The following DOCK10 variants were observed in gnomAD, a reference collection of about 807,000 sequenced individuals.
DOCK10 encodes dedicator of cytokinesis 10.
In DOCK10, 145 loss-of-function variants were observed where a neutral mutation model predicts 280.1. The ratio of observed to expected loss-of-function variants is 0.52; its 90% CI spans 0.45 to 0.59. The LOEUF is 0.59. Among genes scored for constraint, DOCK10 ranks in the 20% least tolerant of loss-of-function variants. The pLI is 0.00. For synonymous variants in DOCK10, 915 were observed against 942.2 expected, an observed-to-expected ratio of 0.97 and a Z score of 0.53; for missense variants, 2,368 against 2,651.7, an observed-to-expected ratio of 0.89 and a Z score of 2.35.
intron 3 of DOCK10, among the ~76,000 whole-genome samples, chr2:224,908,566 T>A (rs780994702): frequency 6.6e-6 from 1 of 152,184 alleles, no homozygotes; most frequent in Non-Finnish European, 1.5e-5. Context: ...TACGCATGGC[T>A]CAGTCATGCA....
chr2:224,904,198 T>C (rs927400250), intron 3 of DOCK10, among the ~76,000 whole-genome samples: 4 of 152,112 alleles, frequency 2.6e-5, no homozygotes, highest in Admixed American at 1.3e-4. Context: ...AGTCATTAAA[T>C]AAACATGGCT....
chr2:224,778,303 C>A lies in DOCK10; in HGVS notation c.5656-19G>T. 6.3e-7 allele frequency: 1 copy of A among 1,587,282 alleles called. No individual in the cohort carries two copies. Among genetic ancestry groups the A allele is most frequent in the Admixed American group, 1.8e-5 (1 of 55,892 alleles). The stretch of plus-strand genomic sequence containing the variant: ...AAAAGCCCTATGGAACATAATGAAC[C>A]ACCAATTTTATTAGACAATGCTAAT... On this transcript the variant is annotated intron_variant, in intron 50 of 55. Transcript: ENST00000258390.
At chr2:224,906,770 C>CA (rs1324088364) in intron 3 of DOCK10, among the ~76,000 whole-genome samples, 4 of 152,220 alleles carry the variant, frequency 2.6e-5, no homozygotes, top group African/African-American at 9.7e-5. Flanking sequence ...TCAGTCACCG[C>CA]ACCCGGCCTT....
intron 1 of DOCK10, among the ~76,000 whole-genome samples, chr2:225,014,081 A>ATATATATATATATTT (rs776104946): frequency 1.0e-5 from 1 of 96,800 alleles, no homozygotes; most frequent in African/African-American, 4.7e-5. Context: ...GTCTGAATAT[A>ATATATATATATATTT]TTGTTTTTTT....
chr2:224,940,985 G>C, intron 1 of DOCK10, among the ~76,000 whole-genome samples: 1 of 151,988 alleles, frequency 6.6e-6, no homozygotes, highest in East Asian at 1.9e-4. Flanking sequence ...ATTCATATGT[G>C]TTTTCTTGTA....
At chr2:224,988,283 A>C (rs1440061702) in intron 1 of DOCK10, among the ~76,000 whole-genome samples, 2 of 152,038 alleles carry the variant, frequency 1.3e-5, no homozygotes, top group Non-Finnish European at 2.9e-5. Context: ...TTAGATTTTA[A>C]ATTGTCTTCC....
chr2:224,920,731 T>C (rs1243963469), intron 2 of DOCK10, among the ~76,000 whole-genome samples: 5 of 152,108 alleles, frequency 3.3e-5, no homozygotes, highest in African/African-American at 1.2e-4. Context: ...GCTATTCCTC[T>C]TTTCCATTTT....
intron 1 of DOCK10, among the ~76,000 whole-genome samples, chr2:224,965,464 C>G (rs954916834): frequency 6.6e-6 from 1 of 152,218 alleles, no homozygotes; most frequent in African/African-American, 2.4e-5. Flanking sequence ...GGCTATGATA[C>G]AATCCTTCTT....
intron 1 of DOCK10, among the ~76,000 whole-genome samples, chr2:224,948,655 A>T (rs1296344563): frequency 2.0e-5 from 3 of 152,170 alleles, no homozygotes; most frequent in Non-Finnish European, 4.4e-5. Flanking sequence ...TTTTTAGATC[A>T]TGAGCTCATT....
rs1553623604 is a variant in DOCK10 at position 224,961,412 on chromosome 2, C to CTCTTTCTTTTTCTTTCTTTCTTTCTT, written c.124-29745_124-29744insAAGAAAGAAAGAAAGAAAAAGAAAGA. On this transcript the variant is annotated intron_variant, in intron 1 of 55. Transcript: ENST00000258390. ...ATAGCAGCATTTTCTTTCTTTCTTT[C>CTCTTTCTTTTTCTTTCTTTCTTTCTT]TCTTTCTTTCTTTCTTTCTTTCTTT... is the stretch of plus-strand genomic sequence containing the variant. Among the ~76,000 whole-genome samples the CTCTTTCTTTTTCTTTCTTTCTTTCTT allele has an allele frequency of 2.6e-3, 307 of 119,462 alleles. 2 individuals are homozygous for CTCTTTCTTTTTCTTTCTTTCTTTCTT. Among genetic ancestry groups the CTCTTTCTTTTTCTTTCTTTCTTTCTT allele is most frequent in the African/African-American group, 9.8e-3 (293 of 29,798 alleles). 78.4% of individuals were successfully genotyped at this position (119,462 alleles called of 152,430 possible).
chr2:225,031,879 A>T (rs1690088271), intron 1 of DOCK10, among the ~76,000 whole-genome samples: 1 of 152,160 alleles, frequency 6.6e-6, no homozygotes, highest in Non-Finnish European at 1.5e-5. Context: ...TGACTTGCCC[A>T]GCCTTTGCCA....
At chr2:224,783,321 C>T (rs1691488525) in intron 50 of DOCK10, among the ~76,000 whole-genome samples, 1 of 150,274 alleles carries the variant, frequency 6.7e-6, no homozygotes, top group Admixed American at 6.6e-5. Context: ...GTCTCCCAGG[C>T]TGGAGTGCAG....
chr2:224,956,229 G>T (rs1704023994), intron 1 of DOCK10, among the ~76,000 whole-genome samples: 1 of 152,204 alleles, frequency 6.6e-6, no homozygotes, highest in Admixed American at 6.5e-5. Flanking sequence ...TCCAGTGTTT[G>T]TAAGAATCAC....
chr2:224,989,915 C>T lies in DOCK10; in HGVS notation c.123+52337G>A, dbSNP rs181956431. 1.4e-4 allele frequency among the ~76,000 whole-genome samples: 22 copies of T among 152,110 alleles called. No homozygotes were observed. In the East Asian group the frequency reaches 3.9e-3, roughly 27 times the overall value. ...AACTGTGATTTCTAGAGACCTTTTCCTTCGGTTTCTCTGTCTTCATTTTCA... is the reference window on the plus strand; with the variant it reads ...AACTGTGATTTCTAGAGACCTTTTCTTTCGGTTTCTCTGTCTTCATTTTCA... On this transcript the variant is annotated intron_variant, in intron 1 of 55. Transcript: ENST00000258390.
In DOCK10 at chr2:224,804,951, T is replaced by C. The variant is rs868808071; in HGVS notation, c.4118+107A>G. ...TATTAAATTTTCTTTAAATAGTTCA[T>C]ATATTATTGATAACTTACTATATGG... On this transcript the variant is annotated intron_variant, in intron 37 of 55. Transcript: ENST00000258390. The C allele has an allele frequency of 6.5e-6, 8 of 1,240,298 alleles. No individual in the cohort carries two copies. The Middle Eastern group carries it at 1.8e-3, about 271-fold the overall frequency. The allele number at this position is 1,240,298 out of a possible 1,614,324, so 76.8% of individuals were successfully genotyped here. A position where few individuals can be genotyped will look rare whatever the true frequency, so the allele number is the denominator to read the frequency against.
In DOCK10 at chr2:224,849,506, C is replaced by T. The variant is rs769757736; in HGVS notation, c.2235+1G>A. Reference sequence around the variant, plus strand: ...GGGGGCAGTGGAGGGCTAGCTCTTACCTCATCTGAGAAATCCGGATTCTGA... The same window carrying T: ...GGGGGCAGTGGAGGGCTAGCTCTTATCTCATCTGAGAAATCCGGATTCTGA... On this transcript the variant is annotated splice_donor_variant, in intron 19 of 55. Coordinates refer to ENST00000258390, the MANE Select transcript of DOCK10 (RefSeq NM_014689.3). LOFTEE classifies it high-confidence loss of function. The T allele has an allele frequency of 6.2e-7, 1 of 1,608,042 alleles. No individual in the cohort carries two copies. The highest frequency in any genetic ancestry group is 2.2e-5 in the East Asian group (1 of 44,774).
intron 3 of DOCK10, among the ~76,000 whole-genome samples, chr2:224,902,709 T>G (rs1700366226): frequency 1.3e-5 from 2 of 152,026 alleles, no homozygotes; most frequent in Non-Finnish European, 2.9e-5. Flanking sequence ...AAACATTTTT[T>G]TTTTTTTGGT....
At chr2:225,017,376 A>G (rs897786219) in intron 1 of DOCK10, among the ~76,000 whole-genome samples, 1 of 151,992 alleles carries the variant, frequency 6.6e-6, no homozygotes, top group Non-Finnish European at 1.5e-5. Context: ...GAGAAATAGA[A>G]ATAAAATTGA....
intron 27 of DOCK10, among the ~76,000 whole-genome samples, chr2:224,828,553 A>C (rs1695015432): frequency 6.6e-6 from 1 of 152,186 alleles, no homozygotes. Context: ...GACAGCATGC[A>C]CCATGGCCAC....
Sources: gnomAD v4.1 joint callset for allele counts (sites outside exome capture counted in the v4.1 genomes callset) on GRCh38, gnomAD v4.1.1 for gene constraint, MANE v1.5 for transcripts, NCBI Gene and HGNC (gene_info 2026-07-23, HGNC 2026-07-21) for gene names.